The following GCLC variants were observed in gnomAD, a reference collection of about 807,000 sequenced individuals.
GCLC encodes the protein glutamate-cysteine ligase catalytic subunit.
Under a neutral mutation model 81.5 loss-of-function variants are expected in GCLC, and 30 were observed. The observed-to-expected ratio is 0.37, with a 90% CI of 0.28 to 0.50. The LOEUF (loss-of-function observed/expected upper bound fraction) is 0.50. Among genes scored for constraint, GCLC ranks in the 20% least tolerant of loss-of-function variants. GCLC has a pLI of 0.96. For synonymous variants in GCLC, 262 were observed against 273.3 expected, an observed-to-expected ratio of 0.96 and a Z score of 0.41; for missense variants, 556 against 777.4, an observed-to-expected ratio of 0.72 and a Z score of 3.39.
chr6:53,525,913 C>T (rs1294386426), intron 1 of GCLC, among the ~76,000 whole-genome samples: 2 of 152,144 alleles, frequency 1.3e-5, no homozygotes, highest in Admixed American at 6.6e-5. Context: ...AAAAAAATGC[C>T]TGACCACTCT....
rs1006788244 is a variant in GCLC, at chr6:53,499,965, AGAC to A, written c.1702+77_1702+79del. ...TGCATGAATACAGCATTATTTTAAA[AGAC>A]TACTTTAAGAAATTGAACATTCTAA... On this transcript the variant is annotated intron_variant, in intron 15 of 15. Transcript: ENST00000650454. 44 of 1,031,394 alleles carry A rather than the reference AGAC, an allele frequency of 4.3e-5. No individual in the cohort carries two copies. The Admixed American group carries it at 4.8e-4, about 11-fold the overall frequency. 63.9% of individuals were successfully genotyped at this position (1,031,394 alleles called of 1,614,324 possible). A position where few individuals can be genotyped will look rare whatever the true frequency, so the allele number is the denominator to read the frequency against.
intron 2 of GCLC, among the ~76,000 whole-genome samples, chr6:53,521,969 G>A (rs1056240202): frequency 7.4e-4 from 113 of 151,904 alleles, no homozygotes; most frequent in African/African-American, 2.5e-3. Context: ...GTGAGACTCC[G>A]TCTCAAAAAA....
intron 3 of GCLC, among the ~76,000 whole-genome samples, chr6:53,517,041 C>T (rs1198398719): frequency 2.7e-5 from 4 of 146,994 alleles, no homozygotes; most frequent in Admixed American, 2.1e-4. Flanking sequence ...AAACTTTTGG[C>T]TTGAGGATCA....
chr6:53,504,366 A>G (rs1288926280), intron 12 of GCLC, among the ~76,000 whole-genome samples: 1 of 152,078 alleles, frequency 6.6e-6, no homozygotes, highest in African/African-American at 2.4e-5. Flanking sequence ...TGAAGTAACT[A>G]AGTTTGACTT....
intron 11 of GCLC, 38 bp downstream of exon 11, chr6:53,505,748 AACAGCTGGCGAAAGAGT>A (rs1399192102): frequency 5.5e-5 from 55 of 1,006,088 alleles, no homozygotes; most frequent in Non-Finnish European, 8.8e-5. Context: ...AAGGGTGATG[AACAGCTGGCGAAAGAGT>A]ACTTTTGAGT....
chr6:53,525,526 T>C (rs1285628771), intron 1 of GCLC, among the ~76,000 whole-genome samples: 6 of 152,172 alleles, frequency 3.9e-5, no homozygotes, highest in East Asian at 1.9e-4. Context: ...AGGAACAACA[T>C]ACAAAAGAAA....
intron 1 of GCLC, among the ~76,000 whole-genome samples, chr6:53,532,123 A>C (rs1763181384): frequency 6.6e-6 from 1 of 152,236 alleles, no homozygotes. Flanking sequence ...TCTAAAATTG[A>C]CTATCTGCTA....
intron 1 of GCLC, among the ~76,000 whole-genome samples, chr6:53,537,614 A>AAAATAAATAAAT (rs200187470): frequency 5.4e-4 from 80 of 149,256 alleles, no homozygotes; most frequent in African/African-American, 1.5e-3. Flanking sequence ...ACCCTGTCTC[A>AAAATAAATAAAT]AAATAAATAA....
intron 11 of GCLC, 54 bp from the exon 12 acceptor site, chr6:53,505,550 T>A: frequency 2.1e-6 from 2 of 941,222 alleles, no homozygotes; most frequent in Non-Finnish European, 3.5e-6. Context: ...AACATGCTCT[T>A]CCCTGACCCA....
chr6:53,542,794 A>ACCTGC lies in GCLC; in HGVS notation c.150+1701_150+1702insGCAGG, dbSNP rs35230905. Among the ~76,000 whole-genome samples, 3 of 10,554 alleles carry ACCTGC rather than the reference A, an allele frequency of 2.8e-4. No homozygotes were observed. The East Asian group carries it at 0.088, about 310-fold the overall frequency. The allele number at this position is 10,554 out of a possible 152,430, so 6.9% of individuals were successfully genotyped here. A position where few individuals can be genotyped will look rare whatever the true frequency, so the allele number is the denominator to read the frequency against. On this transcript the variant is annotated intron_variant, in intron 1 of 15. Coordinates refer to ENST00000650454, the MANE Select transcript of GCLC (RefSeq NM_001498.4). ...ACTTTGGGAAGCCGAGGCGGGTGAA[A>ACCTGC]AGTCAGGAGTTTGAGATCACCCTGA... is the stretch of plus-strand genomic sequence containing the variant.
At chr6:53,531,930 TA>T (rs1476068087) in intron 1 of GCLC, among the ~76,000 whole-genome samples, 1 of 152,238 alleles carries the variant, frequency 6.6e-6, no homozygotes, top group African/African-American at 2.4e-5. Context: ...CTTCCAGTTC[TA>T]AACTACTGTT....
chr6:53,500,238 C>T lies in GCLC; in HGVS notation c.1581+9G>A, dbSNP rs1447221852. The stretch of plus-strand genomic sequence containing the variant: ...CAGTGAGGGGTACTGTACAGGGCCA[C>T]CCTCCTACCTTCCCATTGATGATGG... On this transcript the variant is annotated intron_variant, in intron 14 of 15. Transcript: ENST00000650454. 1.2e-6 allele frequency: 2 copies of T among 1,613,240 alleles called. No homozygotes were observed. Among genetic ancestry groups the T allele is most frequent in the African/African-American group, 2.7e-5 (2 of 74,912 alleles).
chr6:53,506,687 C>A lies in GCLC; in HGVS notation c.1197+226G>T. 1 of 509,248 alleles carries A rather than the reference C, an allele frequency of 2.0e-6. No homozygotes were observed. Among genetic ancestry groups the A allele is most frequent in the Non-Finnish European group, 3.5e-6 (1 of 283,956 alleles). The allele number at this position is 509,248 out of a possible 1,614,324, so 31.5% of individuals were successfully genotyped here. ...AAAAAATTAGAATCAGTGAGATAAA[C>A]AGTAAGAATCGTAAAATAAGAGTAC... is the stretch of plus-strand genomic sequence containing the variant. On this transcript the variant is annotated intron_variant, in intron 10 of 15. Transcript: ENST00000650454. This position sits in a 1 kb window ranked among gnomAD's most constrained non-coding sequence, Gnocchi z 4.0.
chr6:53,514,864 C>T (rs1399367404), intron 4 of GCLC, among the ~76,000 whole-genome samples: 1 of 152,174 alleles, frequency 6.6e-6, no homozygotes, highest in East Asian at 1.9e-4. Context: ...AACTTTAGTA[C>T]CCACTTTGCC....
chr6:53,505,215 C>T (rs931756094), intron 12 of GCLC, 177 bp downstream of exon 12: 23 of 582,948 alleles, frequency 3.9e-5, no homozygotes, highest in Middle Eastern at 9.3e-4. Flanking sequence ...GAATGGAAAG[C>T]GTCTAGAAAT....
At chr6:53,544,067 A>C (rs1392836145) in intron 1 of GCLC, among the ~76,000 whole-genome samples, 1 of 152,186 alleles carries the variant, frequency 6.6e-6, no homozygotes, top group Non-Finnish European at 1.5e-5. Flanking sequence ...TGAAGACCTG[A>C]TTTCTAAAAG....
At chr6:53,533,269 G>A (rs1339836207) in intron 1 of GCLC, among the ~76,000 whole-genome samples, 1 of 152,216 alleles carries the variant, frequency 6.6e-6, no homozygotes, top group Non-Finnish European at 1.5e-5. Flanking sequence ...CATATGAAAT[G>A]TAAAAACATG....
rs1189268591 is a variant in GCLC, at chr6:53,505,857, C to T, written c.1236G>A (p.Lys412=). The change falls in exon 11 of 16, where the codon AAG becomes AAA. Residue 412 remains lysine, a synonymous_variant. Coordinates refer to ENST00000650454, the MANE Select transcript of GCLC (RefSeq NM_001498.4). ...QSTNWQTMRF[K]PPPPNSDIGW... ...CAATGTCTGAGTTTGGAGGAGGGGG[C>T]TTAAATCTCATTGTCTGCCAATTTG... The T allele has an allele frequency of 6.2e-7, 1 of 1,612,148 alleles. No individual in the cohort carries two copies. Among genetic ancestry groups the T allele is most frequent in the Non-Finnish European group, 8.5e-7 (1 of 1,178,372 alleles).
intron 1 of GCLC, among the ~76,000 whole-genome samples, chr6:53,538,397 G>T (rs1037728765): frequency 2.0e-5 from 3 of 151,566 alleles, no homozygotes; most frequent in South Asian, 2.1e-4. Context: ...CGCGATCTAG[G>T]CTCACTGCAA....
Sources: gnomAD v4.1 joint callset for allele counts (sites outside exome capture counted in the v4.1 genomes callset) on GRCh38, gnomAD v4.1.1 for gene constraint, Gnocchi (gnomAD v3.1) non-coding constraint, MANE v1.5 for transcripts, NCBI Gene and HGNC (gene_info 2026-07-23, HGNC 2026-07-21) for gene names.